The following CFAP299 variants were observed in gnomAD, a reference collection of about 807,000 sequenced individuals.
CFAP299 encodes the protein cilia- and flagella-associated protein 299.
CFAP299 carries 21 observed loss-of-function variants against 27.0 expected under a neutral mutation model. The observed-to-expected ratio is 0.78, with a 90% CI of 0.55 to 1.12. CFAP299 has a LOEUF of 1.12. Among genes scored for constraint, CFAP299 ranks in the 50% most tolerant of loss-of-function variants. The pLI is 0.00. For missense variants in CFAP299, 310 were observed against 276.6 expected, an observed-to-expected ratio of 1.12 and a Z score of -0.86; for synonymous variants, 104 against 98.1, an observed-to-expected ratio of 1.06 and a Z score of -0.36.
At chr4:80,846,588 T>C (rs1560441913) in intron 3 of CFAP299, among the ~76,000 whole-genome samples, 1 of 152,220 alleles carries the variant, frequency 6.6e-6, no homozygotes, top group Non-Finnish European at 1.5e-5. Flanking sequence ...TAATTTACTA[T>C]GCATTAATAT....
chr4:80,556,798 G>T (rs1026274872), intron 2 of CFAP299, among the ~76,000 whole-genome samples: 1 of 151,906 alleles, frequency 6.6e-6, no homozygotes, highest in African/African-American at 2.4e-5. Context: ...CTCATAGAGA[G>T]GAAACATATT....
intron 2 of CFAP299, among the ~76,000 whole-genome samples, chr4:80,547,658 G>A (rs1354006570): frequency 6.6e-6 from 1 of 151,972 alleles, no homozygotes; most frequent in Non-Finnish European, 1.5e-5. Context: ...GAATCTGTAA[G>A]GAACTTAAAC....
intron 4 of CFAP299, among the ~76,000 whole-genome samples, chr4:80,930,281 A>G (rs981096661): frequency 5.3e-5 from 8 of 152,278 alleles, no homozygotes; most frequent in East Asian, 3.9e-4. Context: ...ACCTCTCCCT[A>G]TGCATCTCTT....
At chr4:80,467,792 A>T (rs2110112450) in intron 2 of CFAP299, among the ~76,000 whole-genome samples, 1 of 152,304 alleles carries the variant, frequency 6.6e-6, no homozygotes, top group Admixed American at 6.5e-5. Context: ...CACATGGCTG[A>T]GGAGATCTCA....
intron 2 of CFAP299, among the ~76,000 whole-genome samples, chr4:80,549,746 G>A (rs2110208208): frequency 6.6e-6 from 1 of 152,114 alleles, no homozygotes; most frequent in South Asian, 2.1e-4. Flanking sequence ...ATTAAATACT[G>A]TATTTGAATG....
chr4:80,573,716 C>T (rs914323435), intron 2 of CFAP299, among the ~76,000 whole-genome samples: 24 of 151,906 alleles, frequency 1.6e-4, no homozygotes, highest in African/African-American at 5.1e-4. Flanking sequence ...TTATTGAAAA[C>T]TCATTTCCCT....
intron 1 of CFAP299, among the ~76,000 whole-genome samples, chr4:80,353,477 C>T (rs950456874): frequency 1.2e-4 from 19 of 152,150 alleles, no homozygotes; most frequent in Non-Finnish European, 1.5e-5. Flanking sequence ...CCAAAAATGT[C>T]ATATTGTTTT....
chr4:80,554,505 G>GTTTTTTTTT (rs869288835), intron 2 of CFAP299, among the ~76,000 whole-genome samples: 1 of 108,720 alleles, frequency 9.2e-6, no homozygotes. Context: ...TTTTCCACTA[G>GTTTTTTTTT]TTTTTTTTTT....
At chr4:80,335,912 C>T in intron 1 of CFAP299, 33 bp downstream of exon 1, 1 of 1,358,572 alleles carries the variant, frequency 7.4e-7, no homozygotes, top group Admixed American at 1.7e-5. Context: ...TAGCCGCCGC[C>T]GCGCGTCCCT....
intron 2 of CFAP299, among the ~76,000 whole-genome samples, chr4:80,429,360 A>G (rs1446314333): frequency 6.6e-6 from 1 of 152,226 alleles, no homozygotes; most frequent in Non-Finnish European, 1.5e-5. Flanking sequence ...TATTTTAAAC[A>G]ATTATAAAAT....
intron 2 of CFAP299, among the ~76,000 whole-genome samples, chr4:80,530,256 T>C (rs748312147): frequency 6.6e-6 from 1 of 152,148 alleles, no homozygotes; most frequent in Non-Finnish European, 1.5e-5. Context: ...GCAGCAGATA[T>C]ATCGTGTTAT....
At chr4:80,580,035 A>G (rs1442751583) in intron 2 of CFAP299, among the ~76,000 whole-genome samples, 1 of 152,130 alleles carries the variant, frequency 6.6e-6, no homozygotes, top group Admixed American at 6.6e-5. Flanking sequence ...CCCTAACTGT[A>G]TAGTCATTGT....
chr4:80,628,306 A>G (rs1739021008), intron 3 of CFAP299, among the ~76,000 whole-genome samples: 1 of 152,082 alleles, frequency 6.6e-6, no homozygotes, highest in Non-Finnish European at 1.5e-5. Flanking sequence ...TTAGAATCTT[A>G]TCTCACACCA....
At chr4:80,605,316 C>T (rs745463816) in intron 3 of CFAP299, among the ~76,000 whole-genome samples, 1 of 151,936 alleles carries the variant, frequency 6.6e-6, no homozygotes, top group Non-Finnish European at 1.5e-5. Context: ...CTTTATTTTC[C>T]AAAGGTAAAA....
At chr4:80,405,240 G>A (rs1280243651) in intron 2 of CFAP299, among the ~76,000 whole-genome samples, 1 of 152,160 alleles carries the variant, frequency 6.6e-6, no homozygotes, top group African/African-American at 2.4e-5. Flanking sequence ...GACTGATGCT[G>A]TGTCTTGCCT....
chr4:80,891,160 C>A (rs879657405), intron 4 of CFAP299, among the ~76,000 whole-genome samples: 1 of 148,644 alleles, frequency 6.7e-6, no homozygotes, highest in African/African-American at 2.5e-5. Flanking sequence ...AATGGTAATG[C>A]CTAGGTTTTC....
Position 80,420,437 on chromosome 4 carries a change from T to G in CFAP299, c.242+57553T>G, listed in dbSNP as rs370096335. Reference sequence around the variant, plus strand: ...TTATTTTTTTCATCACCAACACTTTTGTCTTTTTGATAACAGCCATTCTAA... The same window carrying G: ...TTATTTTTTTCATCACCAACACTTTGGTCTTTTTGATAACAGCCATTCTAA... On this transcript the variant is annotated intron_variant, in intron 2 of 5. Transcript: ENST00000358105. 8.1e-3 allele frequency: 2,214 copies of G among 274,618 alleles called. 105 individuals carry two copies. Among genetic ancestry groups the G allele is most frequent in the South Asian group, 0.08 (2,149 of 26,810 alleles). 17.0% of individuals were successfully genotyped at this position (274,618 alleles called of 1,614,324 possible).
At chr4:80,670,005 A>T (rs1317867036) in intron 3 of CFAP299, among the ~76,000 whole-genome samples, 1 of 151,092 alleles carries the variant, frequency 6.6e-6, no homozygotes, top group Non-Finnish European at 1.5e-5. Flanking sequence ...TTTTAAAAAT[A>T]TACTTTAAGT....
the CFAP299 span, among the ~76,000 whole-genome samples, chr4:80,323,038 C>T: frequency 6.6e-6 from 1 of 152,172 alleles, no homozygotes; most frequent in Non-Finnish European, 1.5e-5. Flanking sequence ...CCAGAAGCAA[C>T]AGTCAACAAC....
Sources: allele counts gnomAD v4.1 joint callset (sites outside exome capture counted in the v4.1 genomes callset), GRCh38; gene constraint gnomAD v4.1.1; transcripts MANE v1.5; gene names NCBI Gene and HGNC (gene_info 2026-07-23, HGNC 2026-07-21).